Variants in EHBP1 observed in about 807,000 individuals in gnomAD.
EHBP1 encodes EH domain binding protein 1.
EHBP1 carries 55 observed loss-of-function variants against 144.0 expected under a neutral mutation model. The observed-to-expected ratio is 0.38, with a 90% CI of 0.31 to 0.48. The LOEUF is 0.48. EHBP1 is among the 20% of genes least tolerant of loss of function. The pLI is 0.98. For missense variants in EHBP1, 1,200 were observed against 1,364.2 expected (o/e 0.88, Z 1.90); for synonymous variants, 469 against 472.7 (o/e 0.99, Z 0.10).
intron 10 of EHBP1, among the ~76,000 whole-genome samples, chr2:62,889,761 G>T (rs1278178206): frequency 6.6e-6 from 1 of 151,500 alleles, no homozygotes; most frequent in East Asian, 1.9e-4. Context: ...GTCTATTTTT[G>T]TACTTGTTTT....
intron 10 of EHBP1, among the ~76,000 whole-genome samples, chr2:62,884,730 G>C (rs900412832): frequency 6.6e-6 from 1 of 152,180 alleles, no homozygotes; most frequent in African/African-American, 2.4e-5. Flanking sequence ...AATGCAGTTG[G>C]AAAGTAGTAC....
At chr2:62,732,911 A>G (rs879532046) in intron 2 of EHBP1, among the ~76,000 whole-genome samples, 3 of 151,992 alleles carry the variant, frequency 2.0e-5, no homozygotes, top group African/African-American at 7.3e-5. Flanking sequence ...CTTGACTATC[A>G]TCAGTCTGTT....
intron 19 of EHBP1, among the ~76,000 whole-genome samples, chr2:63,023,348 A>G (rs923513811): frequency 6.6e-6 from 1 of 152,248 alleles, no homozygotes; most frequent in African/African-American, 2.4e-5. Flanking sequence ...GATTATTTTT[A>G]CAGCTGTGTA....
At chr2:62,738,442 A>G (rs1396935485) in intron 2 of EHBP1, among the ~76,000 whole-genome samples, 1 of 152,024 alleles carries the variant, frequency 6.6e-6, no homozygotes, top group African/African-American at 2.4e-5. Flanking sequence ...TGTGTGTATC[A>G]TTATTATTCT....
At chr2:62,790,715 A>G (rs969506634) in intron 5 of EHBP1, among the ~76,000 whole-genome samples, 2 of 152,084 alleles carry the variant, frequency 1.3e-5, no homozygotes, top group African/African-American at 4.8e-5. Flanking sequence ...TTGTTACTTT[A>G]TAGATTTTGG....
intron 5 of EHBP1, among the ~76,000 whole-genome samples, chr2:62,800,623 T>G (rs1243982432): frequency 6.6e-6 from 1 of 152,118 alleles, no homozygotes; most frequent in Non-Finnish European, 1.5e-5. Flanking sequence ...AATCTTAGGG[T>G]TTTTGTTCTA....
chr2:62,989,527 C>G (rs557758084), intron 15 of EHBP1, among the ~76,000 whole-genome samples: 5 of 152,218 alleles, frequency 3.3e-5, no homozygotes, highest in African/African-American at 1.2e-4. Flanking sequence ...TCCTAACAGG[C>G]TTGACTCTTG....
At chr2:62,945,204 A>G (rs1029582308) in intron 12 of EHBP1, among the ~76,000 whole-genome samples, 6 of 152,218 alleles carry the variant, frequency 3.9e-5, no homozygotes, top group Non-Finnish European at 8.8e-5. Flanking sequence ...GTGCAGTCAT[A>G]AAAAGCACAT....
At chr2:62,753,865 T>C (rs1273163333) in intron 3 of EHBP1, among the ~76,000 whole-genome samples, 2 of 152,348 alleles carry the variant, frequency 1.3e-5, no homozygotes, top group East Asian at 3.9e-4. Flanking sequence ...AAGAGTCCTC[T>C]ACACTGGTTA....
chr2:63,010,248 C>A (rs1316116420), intron 19 of EHBP1, among the ~76,000 whole-genome samples: 1 of 151,268 alleles, frequency 6.6e-6, no homozygotes, highest in African/African-American at 2.4e-5. Flanking sequence ...CTGATAAAAA[C>A]ACTGAATCCA....
rs528957530 is a variant in EHBP1 at position 62,847,542 on chromosome 2, AT to A, written c.635-11625del. Among the ~76,000 whole-genome samples, 214 of 152,286 alleles carry A rather than the reference AT, an allele frequency of 1.4e-3. 2 individuals carry two copies. The highest frequency in any genetic ancestry group is 4.8e-3 in the African/African-American group (199 of 41,554). ...TTAAAACTTACACTAATCAAAATAG[AT>A]TATTTAAAAAGCTAGGCATAGTGGC... On this transcript the variant is annotated intron_variant, in intron 7 of 22. Coordinates refer to ENST00000431489, the MANE Select transcript of EHBP1 (RefSeq NM_001142616.3).
At chr2:62,731,159 G>T (rs1213376332) in intron 2 of EHBP1, among the ~76,000 whole-genome samples, 1 of 151,496 alleles carries the variant, frequency 6.6e-6, no homozygotes, top group Non-Finnish European at 1.5e-5. Flanking sequence ...TTTTTTTGGT[G>T]CTAATATAAA....
intron 13 of EHBP1, among the ~76,000 whole-genome samples, chr2:62,954,553 CTTCT>C (rs1164415068): frequency 6.6e-6 from 1 of 151,892 alleles, no homozygotes; most frequent in South Asian, 2.1e-4. Flanking sequence ...AAAATCTTTT[CTTCT>C]TTAAGTTTAT....
At chr2:62,809,716 A>G (rs539618792) in intron 5 of EHBP1, among the ~76,000 whole-genome samples, 53 of 152,178 alleles carry the variant, frequency 3.5e-4, no homozygotes, top group African/African-American at 1.1e-3. Context: ...TGTGTACTCA[A>G]TGTTTAGTTC....
At chr2:62,984,721 A>G (rs2059116935) in intron 15 of EHBP1, among the ~76,000 whole-genome samples, 1 of 152,212 alleles carries the variant, frequency 6.6e-6, no homozygotes, top group South Asian at 2.1e-4. Flanking sequence ...AGCTGTATAG[A>G]TCACTTTTTA....
At chr2:62,764,220 G>A (rs758790309) in intron 3 of EHBP1, 46 bp from the exon 4 acceptor site, 27 of 1,305,508 alleles carry the variant, frequency 2.1e-5, no homozygotes, top group Non-Finnish European at 2.8e-5. Context: ...TACTAACATT[G>A]CATTTCCCAT....
intron 10 of EHBP1, among the ~76,000 whole-genome samples, chr2:62,929,401 T>G (rs2055798335): frequency 6.6e-6 from 1 of 152,196 alleles, no homozygotes; most frequent in Non-Finnish European, 1.5e-5. Context: ...GATTTATGCC[T>G]GGAGTGCAAG....
chr2:62,930,795 C>A (rs190507250), intron 10 of EHBP1, among the ~76,000 whole-genome samples: 29 of 152,100 alleles, frequency 1.9e-4, no homozygotes, highest in Non-Finnish European at 4.3e-4. Flanking sequence ...ATTTTTTCAA[C>A]AAATAATATT....
intron 4 of EHBP1, among the ~76,000 whole-genome samples, chr2:62,765,917 A>C (rs1419207474): frequency 6.6e-6 from 1 of 152,046 alleles, no homozygotes; most frequent in African/African-American, 2.4e-5. Context: ...CTTTATATAC[A>C]ATTCTTTTTC....
Sources: gnomAD v4.1 joint callset for allele counts (sites outside exome capture counted in the v4.1 genomes callset) on GRCh38, gnomAD v4.1.1 for gene constraint, MANE v1.5 for transcripts, NCBI Gene and HGNC (gene_info 2026-07-23, HGNC 2026-07-21) for gene names.